The following MPP7 variants were observed in gnomAD, a reference collection of about 807,000 sequenced individuals.
MPP7 encodes MAGUK p55 scaffold protein 7.
In MPP7, 60 loss-of-function variants were observed where a neutral mutation model predicts 76.5. The ratio of observed to expected loss-of-function variants is 0.78; its 90% CI spans 0.64 to 0.97. The LOEUF (loss-of-function observed/expected upper bound fraction) is 0.97, where lower values mean the gene tolerates loss of function less well. Among genes scored for constraint, MPP7 ranks in the 50% least tolerant of loss-of-function variants. The probability of loss-of-function intolerance (pLI) is 0.00; values close to 1 mark genes in which losing one functional copy is unlikely to be tolerated. For missense variants in MPP7, 641 were observed against 694.0 expected (o/e 0.92, Z 0.86); for synonymous variants, 237 against 244.5 (o/e 0.97, Z 0.29).
At position 28,111,489 on chromosome 10, in the gene MPP7, T is replaced by G. The variant is rs1391029690; in HGVS notation, c.952+8162A>C. On this transcript the variant is annotated intron_variant, in intron 11 of 16. Coordinates refer to ENST00000683449, the MANE Select transcript of MPP7 (RefSeq NM_001318170.2). ...CAAAATAATGTCTTTAATAAGGGGA[T>G]TACATTTATTTTCATAGAACAGTTT... Among the ~76,000 whole-genome samples the G allele has an allele frequency of 3.9e-5, 6 of 152,258 alleles. No individual in the cohort carries two copies. The East Asian group carries it at 1.2e-3, about 29-fold the overall frequency.
intron 2 of MPP7, among the ~76,000 whole-genome samples, chr10:28,213,773 C>G (rs1413211286): frequency 2.4e-5 from 3 of 124,684 alleles, no homozygotes; most frequent in Non-Finnish European, 4.8e-5. Flanking sequence ...ACCTGGGCAA[C>G]AGAGTGAGAC....
intron 3 of MPP7, among the ~76,000 whole-genome samples, chr10:28,182,035 G>A (rs1293116079): frequency 6.6e-6 from 1 of 152,158 alleles, no homozygotes; most frequent in Non-Finnish European, 1.5e-5. Context: ...CTGCATGGAT[G>A]TATGTTTTAA....
At chr10:28,316,434 TTAAAAAAAAAA>T (rs1441247672) in intron 2 of MPP7, among the ~76,000 whole-genome samples, 1 of 61,608 alleles carries the variant, frequency 1.6e-5, no homozygotes, top group African/African-American at 8.8e-5. Context: ...GACTCTGTCT[TTAAAAAAAAAA>T]AAAAAAAAAA....
chr10:28,080,202 A>AT, intron 12 of MPP7, among the ~76,000 whole-genome samples: 1 of 152,246 alleles, frequency 6.6e-6, no homozygotes, highest in East Asian at 1.9e-4. Flanking sequence ...AAAGAGCACC[A>AT]TTTTTTCCAG....
intron 12 of MPP7, among the ~76,000 whole-genome samples, chr10:28,081,216 A>G (rs1852744321): frequency 6.6e-6 from 1 of 152,214 alleles, no homozygotes; most frequent in Admixed American, 6.6e-5. Context: ...TATCCACAAG[A>G]TGAATTTTTG....
At position 28,157,754 on chromosome 10, in the gene MPP7, G is replaced by A. The variant is rs183107937; in HGVS notation, c.157-7695C>T. On this transcript the variant is annotated intron_variant, in intron 3 of 16. Transcript: ENST00000683449. ...CATCCTCTCTGCCTGCAATGTTCCT[G>A]AGTCTTGGGGGTACCCACATTCATC... is the stretch of plus-strand genomic sequence containing the variant. 3.1e-3 allele frequency among the ~76,000 whole-genome samples: 468 copies of A among 152,274 alleles called. 4 individuals carry two copies. Among genetic ancestry groups the A allele is most frequent in the African/African-American group, 0.011 (451 of 41,542 alleles).
At chr10:28,139,469 T>C (rs1018064806) in intron 5 of MPP7, among the ~76,000 whole-genome samples, 5 of 152,216 alleles carry the variant, frequency 3.3e-5, no homozygotes, top group African/African-American at 7.2e-5. Flanking sequence ...AAGAAAGATA[T>C]ACTTTTGTTC....
intron 11 of MPP7, among the ~76,000 whole-genome samples, chr10:28,094,846 T>C (rs983278702): frequency 6.6e-6 from 1 of 152,106 alleles, no homozygotes; most frequent in Admixed American, 6.6e-5. Flanking sequence ...TCCCAGCTAC[T>C]TGGGAGGCTG....
At chr10:28,210,970 C>T (rs531840140) in intron 2 of MPP7, among the ~76,000 whole-genome samples, 1 of 152,262 alleles carries the variant, frequency 6.6e-6, no homozygotes, top group South Asian at 2.1e-4. Flanking sequence ...GTGCCACTTA[C>T]TTTTTGTTAA....
chr10:28,086,997 TC>T (rs997864885), intron 12 of MPP7, among the ~76,000 whole-genome samples: 3 of 151,886 alleles, frequency 2.0e-5, no homozygotes, highest in African/African-American at 7.3e-5. Context: ...TCGATGTTTG[TC>T]CCCCCAAATT....
chr10:28,128,621 C>G (rs1322347956), intron 6 of MPP7, among the ~76,000 whole-genome samples: 1 of 152,160 alleles, frequency 6.6e-6, no homozygotes, highest in Non-Finnish European at 1.5e-5. Flanking sequence ...ATAGGCTCAA[C>G]TTCTTTTGGC....
At chr10:28,300,803 A>C (rs1299942714) in intron 1 of MPP7, among the ~76,000 whole-genome samples, 1 of 151,866 alleles carries the variant, frequency 6.6e-6, no homozygotes, top group Non-Finnish European at 1.5e-5. Flanking sequence ...ATATTAAAAA[A>C]AAAAAAATAG....
At chr10:28,195,617 T>C (rs1423517437) in intron 3 of MPP7, among the ~76,000 whole-genome samples, 1 of 152,176 alleles carries the variant, frequency 6.6e-6, no homozygotes, top group Admixed American at 6.5e-5. Flanking sequence ...TTAAGCTAAG[T>C]GACAGAAGTC....
At chr10:28,147,705 A>G in intron 4 of MPP7, 142 bp from the exon 5 acceptor site, 8 of 705,494 alleles carry the variant, frequency 1.1e-5, no homozygotes, top group Non-Finnish European at 1.5e-5. Context: ...AAAACAGATC[A>G]TCAATCATTG....
chr10:28,063,099 G>C (rs899736770), intron 13 of MPP7, among the ~76,000 whole-genome samples: 1 of 151,980 alleles, frequency 6.6e-6, no homozygotes, highest in African/African-American at 2.4e-5. Context: ...ACATTTATCA[G>C]ATGAAGGACA....
chr10:28,316,435 TAAAAAAAA>T lies in MPP7; in HGVS notation c.-132+13486_-132+13493del, dbSNP rs549621404. Among the ~76,000 whole-genome samples, 287 of 37,100 alleles carry T rather than the reference TAAAAAAAA, an allele frequency of 7.7e-3. 11 individuals carry two copies. The highest frequency in any genetic ancestry group is 0.022 in the African/African-American group (263 of 11,868). The allele number at this position is 37,100 out of a possible 152,430, so 24.3% of individuals were successfully genotyped here. ...GGGCAACAGAGTAAGACTCTGTCTT[TAAAAAAAA>T]AAAAAAAAAAAAAAAAAAAAAAAAA... On this transcript the variant is annotated intron_variant, in intron 2 of 11. Coordinates refer to the MPP7 transcript ENST00000441595.
At chr10:28,085,512 A>T (rs1416622594) in intron 12 of MPP7, among the ~76,000 whole-genome samples, 1 of 152,228 alleles carries the variant, frequency 6.6e-6, no homozygotes, top group Non-Finnish European at 1.5e-5. Flanking sequence ...GAGAAACCTA[A>T]GAAGTTCAAA....
chr10:28,299,625 A>G (rs1235843308), intron 1 of MPP7, among the ~76,000 whole-genome samples: 1 of 152,206 alleles, frequency 6.6e-6, no homozygotes, highest in Non-Finnish European at 1.5e-5. Flanking sequence ...ATCGACTTGC[A>G]GGGTTGCCAA....
chr10:28,269,456 T>C (rs1330943296), intron 1 of MPP7, among the ~76,000 whole-genome samples: 1 of 151,860 alleles, frequency 6.6e-6, no homozygotes, highest in South Asian at 2.1e-4. Context: ...CTAAAGTAAA[T>C]CTCCACCAAC....
Sources: gnomAD v4.1 joint callset for allele counts (sites outside exome capture counted in the v4.1 genomes callset) on GRCh38, gnomAD v4.1.1 for gene constraint, MANE v1.5 for transcripts, NCBI Gene and HGNC (gene_info 2026-07-23, HGNC 2026-07-21) for gene names.